The following NT5C2 variants were observed in gnomAD, a reference collection of about 807,000 sequenced individuals.
NT5C2 encodes the protein cytosolic purine 5'-nucleotidase.
A neutral mutation model predicts 76.1 loss-of-function variants in NT5C2; 58 were observed. The ratio of observed to expected loss-of-function variants is 0.76; its 90% CI spans 0.62 to 0.95. The LOEUF is 0.95. NT5C2 is among the 40% of genes least tolerant of loss of function. The pLI is 0.00. For missense variants in NT5C2, 478 were observed against 690.3 expected, an observed-to-expected ratio of 0.69 and a Z score of 3.45; for synonymous variants, 229 against 237.4, an observed-to-expected ratio of 0.96 and a Z score of 0.32.
At position 103,135,731 on chromosome 10, in the gene NT5C2, T is replaced by C. The variant is rs2079066674; in HGVS notation, c.175+3675A>G. Among the ~76,000 whole-genome samples the C allele has an allele frequency of 4.0e-5, 6 of 151,162 alleles. 1 individual carries two copies. In the South Asian group the frequency reaches 1.3e-3, roughly 32 times the overall value. Reference sequence around the variant, plus strand: ...TGAACCCAGGAGGCGGAGGTTGCAATGAGCTGAGATCGCACCACTGCACTC... The same window carrying C: ...TGAACCCAGGAGGCGGAGGTTGCAACGAGCTGAGATCGCACCACTGCACTC... On this transcript the variant is annotated intron_variant, in intron 4 of 18. Transcript: ENST00000404739.
At chr10:103,177,164 A>AT (rs1347683605) in intron 2 of NT5C2, among the ~76,000 whole-genome samples, 1 of 152,216 alleles carries the variant, frequency 6.6e-6, no homozygotes, top group East Asian at 1.9e-4. Context: ...ATTTCTAGTT[A>AT]TTTAATGCTT....
rs759724715 is a variant in NT5C2, at chr10:103,093,192, A to G, written c.1106T>C (p.Phe369Ser). ...CTGTGCGAGTTCAGGAATCACCAAA[A>G]AAGTTCGCCACCCTTGCCGTTTCTT... ...KSKKRQGWRT[F>S]LVIPELAQEL... The change falls in exon 15 of 19, where the codon TTT (phenylalanine) becomes TCT (serine). Residue 369 changes from phenylalanine to serine, a missense_variant. Phe to Ser is a radical substitution (Grantham distance 155, BLOSUM62 -2). Coordinates refer to ENST00000404739, the MANE Select transcript of NT5C2 (RefSeq NM_001351169.2). 1 of 1,611,978 alleles carries G rather than the reference A, an allele frequency of 6.2e-7. No individual in the cohort carries two copies. Among genetic ancestry groups the G allele is most frequent in the East Asian group, 2.2e-5 (1 of 44,820 alleles).
chr10:103,192,200 G>A (rs1485963996), intron 1 of NT5C2, among the ~76,000 whole-genome samples: 2 of 152,096 alleles, frequency 1.3e-5, no homozygotes, highest in African/African-American at 4.8e-5. Context: ...GCTTGAAGAG[G>A]CGAAATGAAT....
intron 3 of NT5C2, among the ~76,000 whole-genome samples, chr10:103,150,115 T>G (rs2082147880): frequency 6.6e-6 from 1 of 152,106 alleles, no homozygotes; most frequent in African/African-American, 2.4e-5. Flanking sequence ...AAATGAAAAT[T>G]TTGGTGAGTC....
intron 4 of NT5C2, among the ~76,000 whole-genome samples, chr10:103,123,889 C>T (rs1049095997): frequency 1.3e-5 from 2 of 152,092 alleles, no homozygotes; most frequent in Non-Finnish European, 2.9e-5. Flanking sequence ...CCAAATGAGC[C>T]AGTAAGCCAA....
intron 1 of NT5C2, among the ~76,000 whole-genome samples, chr10:103,192,617 T>C (rs2092720128): frequency 6.6e-6 from 1 of 152,134 alleles, no homozygotes; most frequent in African/African-American, 2.4e-5. Flanking sequence ...GCTGTGACCT[T>C]TCCAGGAAGT....
At chr10:103,122,424 T>A (rs1434007074) in intron 4 of NT5C2, among the ~76,000 whole-genome samples, 2 of 152,234 alleles carry the variant, frequency 1.3e-5, no homozygotes, top group Non-Finnish European at 2.9e-5. Context: ...TGGGTTTTTG[T>A]CTCTTATTGA....
chr10:103,187,551 T>TAAA (rs769511019), intron 1 of NT5C2, among the ~76,000 whole-genome samples: 3 of 85,722 alleles, frequency 3.5e-5, no homozygotes, highest in African/African-American at 1.3e-4. Flanking sequence ...GAATCCATCT[T>TAAA]AAAAAAAAAA....
intron 3 of NT5C2, among the ~76,000 whole-genome samples, chr10:103,149,423 A>C (rs1174641526): frequency 6.6e-6 from 1 of 152,200 alleles, no homozygotes; most frequent in African/African-American, 2.4e-5. Flanking sequence ...AAATTGTGAT[A>C]ATGGGAGCAG....
intron 1 of NT5C2, among the ~76,000 whole-genome samples, chr10:103,182,011 A>G (rs1489829006): frequency 2.0e-5 from 3 of 147,586 alleles, no homozygotes; most frequent in South Asian, 2.1e-4. Context: ...CTCTATCTCA[A>G]AAAAAAAAAA....
At chr10:103,118,740 T>TA (rs1192654829) in intron 4 of NT5C2, among the ~76,000 whole-genome samples, 1 of 152,190 alleles carries the variant, frequency 6.6e-6, no homozygotes, top group Non-Finnish European at 1.5e-5. Flanking sequence ...TTACTTTGTT[T>TA]AGTTTTATGA....
chr10:103,156,711 C>T (rs1338403748), intron 3 of NT5C2, among the ~76,000 whole-genome samples: 2 of 149,020 alleles, frequency 1.3e-5, no homozygotes, highest in East Asian at 2.0e-4. Flanking sequence ...GCTGAGATCA[C>T]GCCATTGCAC....
rs188011908 is a variant in NT5C2, at chr10:103,113,500, T to G, written c.176-6794A>C. On this transcript the variant is annotated intron_variant, in intron 4 of 18. Coordinates refer to ENST00000404739, the MANE Select transcript of NT5C2 (RefSeq NM_001351169.2). ...ACAAAAACAGAAATAGCTAATATTTTTTTTTTCAAAAATAAAAACAGATCA... is the reference window on the plus strand; with the variant it reads ...ACAAAAACAGAAATAGCTAATATTTGTTTTTTCAAAAATAAAAACAGATCA... 2.2e-3 allele frequency among the ~76,000 whole-genome samples: 342 copies of G among 152,234 alleles called. 4 individuals are homozygous for G. The highest frequency in any genetic ancestry group is 7.8e-3 in the African/African-American group (324 of 41,556).
chr10:103,111,871 T>C, intron 4 of NT5C2: 2 of 1,017,800 alleles, frequency 2.0e-6, no homozygotes, highest in Non-Finnish European at 2.5e-6. Context: ...TTAAAACTGT[T>C]GTGATGGGCT....
In NT5C2 at chr10:103,091,571, G is replaced by C. The variant is rs2066899954; in HGVS notation, c.1204C>G (p.Leu402Val). Residue 402 changes from leucine to valine, a missense_variant, in exon 16 of 19, where the codon CTC (leucine) becomes GTC (valine). Coordinates refer to ENST00000404739, the MANE Select transcript of NT5C2 (RefSeq NM_001351169.2). ...LQSLDIFLAE[L>V]YKHLDSSSNE... is the part of the protein sequence containing the mutation. ...AATTTTTAGAAAACTTACTTGTAGAGTTCAGCCAAGAAAATATCCAAGCTC... is the reference window on the plus strand; with the variant it reads ...AATTTTTAGAAAACTTACTTGTAGACTTCAGCCAAGAAAATATCCAAGCTC... 1 of 1,612,616 alleles carries C rather than the reference G, an allele frequency of 6.2e-7. No homozygotes were observed. The highest frequency in any genetic ancestry group is 1.7e-5 in the Admixed American group (1 of 59,984).
chr10:103,101,063 TTA>T lies in NT5C2; in HGVS notation c.519_520del (p.Asn174LeufsTer8). The T allele has an allele frequency of 6.4e-7, 1 of 1,569,900 alleles. No individual in the cohort carries two copies. Among genetic ancestry groups the T allele is most frequent in the Non-Finnish European group, 8.8e-7 (1 of 1,139,966 alleles). On this transcript the variant is annotated frameshift_variant, in exon 8 of 19. Coordinates refer to ENST00000404739, the MANE Select transcript of NT5C2 (RefSeq NM_001351169.2). LOFTEE classifies it high-confidence loss of function. ...TACATACCTGGTATATCTGGGACAA[TTA>T]GTAAAAAAATCTACTAGGCAGGCCA...
At chr10:103,147,377 G>A (rs2081656833) in intron 3 of NT5C2, among the ~76,000 whole-genome samples, 1 of 152,164 alleles carries the variant, frequency 6.6e-6, no homozygotes, top group Non-Finnish European at 1.5e-5. Flanking sequence ...CTAAGGCTTT[G>A]TTTATATTCT....
chr10:103,148,751 A>C (rs1042428886), intron 3 of NT5C2, among the ~76,000 whole-genome samples: 1 of 152,174 alleles, frequency 6.6e-6, no homozygotes, highest in African/African-American at 2.4e-5. Flanking sequence ...TCACTCATAT[A>C]CTCAGTATTT....
At chr10:103,173,131 G>A (rs371497622) in intron 3 of NT5C2, among the ~76,000 whole-genome samples, 4 of 152,042 alleles carry the variant, frequency 2.6e-5, no homozygotes, top group Admixed American at 6.5e-5. Flanking sequence ...TTACAGATGC[G>A]AGCCACCATG....
Sources: gnomAD v4.1 joint callset for allele counts (sites outside exome capture counted in the v4.1 genomes callset) on GRCh38, gnomAD v4.1.1 for gene constraint, MANE v1.5 for transcripts, NCBI Gene and HGNC (gene_info 2026-07-23, HGNC 2026-07-21) for gene names.